The following CDYL2 variants were observed in gnomAD, a reference collection of about 807,000 sequenced individuals.
CDYL2 encodes the protein chromodomain Y like 2.
CDYL2 carries 23 observed loss-of-function variants against 49.4 expected under a neutral mutation model. The ratio of observed to expected loss-of-function variants is 0.47; its 90% CI spans 0.34 to 0.66. CDYL2 has a LOEUF of 0.66. CDYL2 is among the 30% of genes least tolerant of loss of function. The probability of loss-of-function intolerance (pLI) is 0.01; values close to 1 mark genes in which losing one functional copy is unlikely to be tolerated. For missense variants in CDYL2, 678 were observed against 656.4 expected (o/e 1.03, Z -0.36); for synonymous variants, 360 against 268.8 (o/e 1.34, Z -3.32).
intron 1 of CDYL2, among the ~76,000 whole-genome samples, chr16:80,725,533 G>A (rs1293769307): frequency 6.6e-6 from 1 of 152,186 alleles, no homozygotes; most frequent in Non-Finnish European, 1.5e-5. Context: ...GGATAATTGA[G>A]TCTACAAATC....
intron 3 of CDYL2, among the ~76,000 whole-genome samples, chr16:80,621,621 C>T (rs1162067378): frequency 6.6e-6 from 1 of 152,220 alleles, no homozygotes; most frequent in Non-Finnish European, 1.5e-5. Context: ...AAAGGTTATG[C>T]TATGGCCACC....
rs190592531 is a variant in CDYL2, at chr16:80,706,103, C to A, written c.25-20974G>T. On this transcript the variant is annotated intron_variant, in intron 1 of 6. Transcript: ENST00000570137. ...GGAAAAGTGTTCACTCTTCTCTACT[C>A]CGCATCTTTCCCTCAAAATAACACC... 1.1e-4 allele frequency among the ~76,000 whole-genome samples: 16 copies of A among 152,330 alleles called. No homozygotes were observed. The East Asian group carries it at 2.1e-3, about 20-fold the overall frequency.
rs192261415 is a variant in CDYL2, at chr16:80,668,684, A to G, written c.616+15854T>C. ...GAGGCCAAAGCAGGAAATTCACTTG[A>G]GGTCAGGAGTTTGAGACCAGCCTGG... On this transcript the variant is annotated intron_variant, in intron 2 of 6. Transcript: ENST00000570137. 5.5e-3 allele frequency among the ~76,000 whole-genome samples: 834 copies of G among 152,170 alleles called. 7 individuals are homozygous for G. Among genetic ancestry groups the G allele is most frequent in the Non-Finnish European group, 8.0e-3 (542 of 68,002 alleles).
chr16:80,702,528 T>C (rs1212098223), intron 1 of CDYL2, among the ~76,000 whole-genome samples: 4 of 152,056 alleles, frequency 2.6e-5, no homozygotes, highest in East Asian at 1.9e-4. Flanking sequence ...AGCAGGAGGA[T>C]TGTTTGAGGC....
intron 1 of CDYL2, among the ~76,000 whole-genome samples, chr16:80,707,042 G>C (rs910308967): frequency 2.0e-5 from 3 of 152,108 alleles, no homozygotes; most frequent in Non-Finnish European, 2.9e-5. Flanking sequence ...TCAGAGCATG[G>C]GGGTGCAGTG....
intron 1 of CDYL2, among the ~76,000 whole-genome samples, chr16:80,755,573 G>A (rs117420813): frequency 2.6e-4 from 40 of 152,272 alleles, no homozygotes; most frequent in Non-Finnish European, 5.4e-4. Context: ...TGCTCATTTT[G>A]CTTCTAGAAA....
At chr16:80,636,861 T>C (rs1402387896) in intron 2 of CDYL2, among the ~76,000 whole-genome samples, 3 of 152,164 alleles carry the variant, frequency 2.0e-5, no homozygotes, top group Non-Finnish European at 4.4e-5. Context: ...TACCATGGAA[T>C]ACTATGCAGC....
intron 1 of CDYL2, among the ~76,000 whole-genome samples, chr16:80,766,445 T>C (rs1422950582): frequency 6.6e-6 from 1 of 152,196 alleles, no homozygotes; most frequent in Non-Finnish European, 1.5e-5. Context: ...ACATGCAGTG[T>C]TGACCAATAT....
At chr16:80,676,664 G>A (rs1046307512) in intron 2 of CDYL2, among the ~76,000 whole-genome samples, 5 of 152,192 alleles carry the variant, frequency 3.3e-5, no homozygotes, top group African/African-American at 9.7e-5. Context: ...AGCCCAGAAG[G>A]TTATTCAGGA....
At chr16:80,738,346 T>C (rs929978421) in intron 1 of CDYL2, among the ~76,000 whole-genome samples, 1 of 152,208 alleles carries the variant, frequency 6.6e-6, no homozygotes, top group African/African-American at 2.4e-5. Flanking sequence ...TCTGTCTTTA[T>C]GGTAGAATGA....
chr16:80,788,156 G>C (rs1907495878), intron 1 of CDYL2, among the ~76,000 whole-genome samples: 1 of 152,144 alleles, frequency 6.6e-6, no homozygotes, highest in Non-Finnish European at 1.5e-5. Context: ...GACAAAATTA[G>C]ACTGACCAAG....
At chr16:80,675,602 G>C (rs1447032256) in intron 2 of CDYL2, among the ~76,000 whole-genome samples, 1 of 152,148 alleles carries the variant, frequency 6.6e-6, no homozygotes, top group Non-Finnish European at 1.5e-5. Context: ...AATGGGGAGA[G>C]TGGCTTTTCA....
intron 1 of CDYL2, among the ~76,000 whole-genome samples, chr16:80,746,196 C>G (rs1905924322): frequency 6.6e-6 from 1 of 152,140 alleles, no homozygotes; most frequent in South Asian, 2.1e-4. Flanking sequence ...CTCCCCATTC[C>G]CATGACAATC....
At chr16:80,767,501 G>A (rs947666678) in intron 1 of CDYL2, among the ~76,000 whole-genome samples, 9 of 152,066 alleles carry the variant, frequency 5.9e-5, no homozygotes, top group East Asian at 1.9e-4. Flanking sequence ...CTTCATTTAC[G>A]AAAAATGAAA....
chr16:80,619,093 G>A (rs1352119917), intron 4 of CDYL2, among the ~76,000 whole-genome samples: 1 of 152,070 alleles, frequency 6.6e-6, no homozygotes, highest in Admixed American at 6.5e-5. Context: ...GGCCATTCTT[G>A]GAGTTCCTTG....
intron 2 of CDYL2, among the ~76,000 whole-genome samples, chr16:80,652,410 A>G (rs892702451): frequency 1.3e-5 from 2 of 152,254 alleles, no homozygotes; most frequent in African/African-American, 4.8e-5. Flanking sequence ...CTGAAAATAT[A>G]AAATTACCAT....
chr16:80,671,716 C>T (rs1422120568), intron 2 of CDYL2, among the ~76,000 whole-genome samples: 1 of 152,200 alleles, frequency 6.6e-6, no homozygotes, highest in Non-Finnish European at 1.5e-5. Context: ...ACCGAGGCTC[C>T]TCTTGTTCCC....
chr16:80,771,992 T>C (rs560429512), intron 1 of CDYL2, among the ~76,000 whole-genome samples: 4 of 152,138 alleles, frequency 2.6e-5, no homozygotes, highest in Admixed American at 1.3e-4. Flanking sequence ...AAAGAGGAAA[T>C]GGCTGAGCAT....
intron 1 of CDYL2, among the ~76,000 whole-genome samples, chr16:80,698,600 C>G (rs1221361434): frequency 1.3e-5 from 2 of 152,112 alleles, no homozygotes; most frequent in African/African-American, 2.4e-5. Context: ...TATGGGGGCA[C>G]AGTTCTCATG....
Sources: gnomAD v4.1 joint callset for allele counts (sites outside exome capture counted in the v4.1 genomes callset) on GRCh38, gnomAD v4.1.1 for gene constraint, MANE v1.5 for transcripts, NCBI Gene and HGNC (gene_info 2026-07-23, HGNC 2026-07-21) for gene names.